PTPRN2: variants seen among roughly 807,000 people sequenced by gnomAD.
PTPRN2 encodes the protein receptor-type tyrosine-protein phosphatase N2.
PTPRN2 carries 74 observed loss-of-function variants against 118.8 expected under a neutral mutation model. The observed-to-expected ratio is 0.62, with a 90% CI of 0.52 to 0.76. PTPRN2 has a LOEUF of 0.76. Among genes scored for constraint, PTPRN2 ranks in the 30% least tolerant of loss-of-function variants. The pLI is 0.00. For missense variants in PTPRN2, 1,481 were observed against 1,394.4 expected (o/e 1.06, Z -0.99); for synonymous variants, 641 against 608.0 (o/e 1.05, Z -0.80).
At chr7:157,718,971 C>T (rs555410286) in intron 12 of PTPRN2, among the ~76,000 whole-genome samples, 1 of 151,692 alleles carries the variant, frequency 6.6e-6, no homozygotes, top group South Asian at 2.1e-4. Context: ...ACACATTGCC[C>T]TGTTTCTTGG....
chr7:158,454,897 C>T (rs575376450), intron 2 of PTPRN2, among the ~76,000 whole-genome samples: 15 of 152,304 alleles, frequency 9.8e-5, no homozygotes, highest in Admixed American at 3.3e-4. Flanking sequence ...TTGCATGGAA[C>T]AGACATACAC....
chr7:157,545,983 CG>C (rs1348974863), intron 22 of PTPRN2, among the ~76,000 whole-genome samples: 2 of 152,136 alleles, frequency 1.3e-5, no homozygotes, highest in East Asian at 1.9e-4. Flanking sequence ...AGTTTAGTCT[CG>C]GGGCGATGTT....
At chr7:157,876,656 C>A (rs894795002) in intron 12 of PTPRN2, among the ~76,000 whole-genome samples, 1 of 152,194 alleles carries the variant, frequency 6.6e-6, no homozygotes, top group Non-Finnish European at 1.5e-5. Context: ...AGCGCCCCCA[C>A]GTGGGGCTGG....
At chr7:158,054,185 T>G (rs1809606903) in intron 11 of PTPRN2, among the ~76,000 whole-genome samples, 1 of 152,134 alleles carries the variant, frequency 6.6e-6, no homozygotes, top group Non-Finnish European at 1.5e-5. Flanking sequence ...CGGCTAAAAG[T>G]TACTATTCTG....
intron 1 of PTPRN2, among the ~76,000 whole-genome samples, chr7:158,548,724 C>T (rs1826449539): frequency 6.6e-6 from 1 of 152,220 alleles, no homozygotes; most frequent in South Asian, 2.1e-4. Flanking sequence ...TGTGACTTCA[C>T]ACTCCCCCAG....
intron 14 of PTPRN2, among the ~76,000 whole-genome samples, chr7:157,621,874 A>G (rs1400672934): frequency 6.6e-6 from 1 of 151,312 alleles, no homozygotes; most frequent in Admixed American, 6.6e-5. Flanking sequence ...CATGGAAGTC[A>G]TTTTTCTTAA....
intron 12 of PTPRN2, chr7:157,863,565 T>G (rs2151239461): frequency 6.6e-6 from 1 of 152,298 alleles, no homozygotes; most frequent in East Asian, 1.9e-4. Context: ...AATTCAAAAC[T>G]TTGAGATATA....
chr7:158,401,937 C>T (rs768415587), intron 2 of PTPRN2, among the ~76,000 whole-genome samples: 19 of 152,148 alleles, frequency 1.2e-4, no homozygotes, highest in African/African-American at 2.7e-4. Flanking sequence ...CCATCCAGAC[C>T]GCCAGTCAAG....
intron 3 of PTPRN2, among the ~76,000 whole-genome samples, chr7:158,214,619 C>T (rs1314147495): frequency 5.3e-5 from 8 of 152,134 alleles, no homozygotes; most frequent in Non-Finnish European, 1.2e-4. Context: ...GTAATAAGGC[C>T]TCCCCTCAGG....
At chr7:158,475,547 CG>C (rs1400371577) in intron 2 of PTPRN2, among the ~76,000 whole-genome samples, 2 of 152,136 alleles carry the variant, frequency 1.3e-5, no homozygotes, top group African/African-American at 4.8e-5. Context: ...AAAACACCCT[CG>C]GGAGGGCACG....
intron 12 of PTPRN2, among the ~76,000 whole-genome samples, chr7:157,748,683 C>T (rs1215362152): frequency 1.9e-4 from 27 of 141,908 alleles, no homozygotes; most frequent in African/African-American, 6.8e-4. Context: ...GTGAGGCCTG[C>T]GTCTATGAGC....
chr7:157,762,762 AAAAAG>A (rs1219807175), intron 12 of PTPRN2, among the ~76,000 whole-genome samples: 3 of 152,114 alleles, frequency 2.0e-5, no homozygotes, highest in Non-Finnish European at 4.4e-5. Context: ...AAAAAAGAGA[AAAAAG>A]AAAAAACTTT....
In PTPRN2 at chr7:157,801,357, G is replaced by A. The variant is rs145790833; in HGVS notation, c.1788+97316C>T. On this transcript the variant is annotated intron_variant, in intron 12 of 22. Coordinates refer to ENST00000389418, the MANE Select transcript of PTPRN2 (RefSeq NM_002847.5). The surrounding 1 kb of genome is among the most constrained non-coding windows in gnomAD (Gnocchi z 4.2). ...CTCATCCACGGAGCACTGCTTTGCC[G>A]TCTCCAGAAAGAGCTGTCGAGGTTT... Among the ~76,000 whole-genome samples the A allele has an allele frequency of 8.0e-3, 1,220 of 152,276 alleles. 16 individuals are homozygous for A. The highest frequency in any genetic ancestry group is 0.028 in the African/African-American group (1,164 of 41,550).
chr7:158,372,617 G>A (rs902904896), intron 2 of PTPRN2, among the ~76,000 whole-genome samples: 14 of 150,714 alleles, frequency 9.3e-5, no homozygotes, highest in South Asian at 2.2e-4. Flanking sequence ...TCCCCACCAC[G>A]CTGGTCCCCG....
intron 1 of PTPRN2, among the ~76,000 whole-genome samples, chr7:158,550,221 G>T (rs574389904): frequency 6.6e-6 from 1 of 152,210 alleles, no homozygotes; most frequent in African/African-American, 2.4e-5. Flanking sequence ...CTGAGCCCAC[G>T]TCCCGATAGG....
chr7:158,319,594 C>T (rs113458596), intron 2 of PTPRN2, among the ~76,000 whole-genome samples: 137 of 29,452 alleles, frequency 4.7e-3, no homozygotes, highest in East Asian at 9.3e-3. Context: ...CCCTCACACA[C>T]GCACACAGCC....
chr7:158,577,746 C>T (rs1454898640), intron 1 of PTPRN2, among the ~76,000 whole-genome samples: 2 of 152,270 alleles, frequency 1.3e-5, no homozygotes, highest in Non-Finnish European at 2.9e-5. Context: ...AGCCACCGAT[C>T]CCCAAGTATG....
Position 157,841,869 on chromosome 7 carries a change from C to A in PTPRN2, c.1788+56804G>T, listed in dbSNP as rs528462523. Among the ~76,000 whole-genome samples the A allele has an allele frequency of 2.0e-5, 3 of 151,662 alleles. No homozygotes were observed. The East Asian group carries it at 5.9e-4, about 30-fold the overall frequency. On this transcript the variant is annotated intron_variant, in intron 12 of 22. Transcript: ENST00000389418. ...CTGCGCTTTCCTTCCTGCGGGCCTG[C>A]AGCCTGCAGGGGCCCACAGGACAGC...
chr7:158,059,873 G>A (rs34331146), intron 11 of PTPRN2, among the ~76,000 whole-genome samples: 2,074 of 101,376 alleles, frequency 0.02, 1 homozygote, highest in Non-Finnish European at 0.029. Flanking sequence ...ATCTGCCCAC[G>A]GTGAGACATC....
Sources: gnomAD v4.1 joint callset for allele counts (sites outside exome capture counted in the v4.1 genomes callset) on GRCh38, gnomAD v4.1.1 for gene constraint, Gnocchi (gnomAD v3.1) non-coding constraint, MANE v1.5 for transcripts, NCBI Gene and HGNC (gene_info 2026-07-23, HGNC 2026-07-21) for gene names.